The following SLC22A15 variants were observed in gnomAD, a reference collection of about 807,000 sequenced individuals.
The protein encoded by SLC22A15 is solute carrier family 22 member 15.
A neutral mutation model predicts 62.7 loss-of-function variants in SLC22A15; 45 were observed. The observed-to-expected ratio is 0.72, with a 90% CI of 0.56 to 0.92. The LOEUF (loss-of-function observed/expected upper bound fraction) is 0.92. SLC22A15 is among the 40% of genes least tolerant of loss of function. SLC22A15 has a pLI of 0.00. For synonymous variants in SLC22A15, 264 were observed against 267.0 expected, an observed-to-expected ratio of 0.99 and a Z score of 0.11; for missense variants, 622 against 665.6, an observed-to-expected ratio of 0.93 and a Z score of 0.72.
intron 8 of SLC22A15, among the ~76,000 whole-genome samples, chr1:116,042,242 A>C (rs1657808101): frequency 6.6e-6 from 1 of 151,864 alleles, no homozygotes; most frequent in Non-Finnish European, 1.5e-5. Context: ...AGAGACAAGA[A>C]TATTAAAACA....
At chr1:116,010,832 G>C (rs1305190463) in intron 2 of SLC22A15, among the ~76,000 whole-genome samples, 1 of 152,172 alleles carries the variant, frequency 6.6e-6, no homozygotes, top group East Asian at 1.9e-4. Context: ...TGACAAGCTA[G>C]GAGTCTGGGT....
At chr1:116,003,723 T>A (rs1037323548) in intron 2 of SLC22A15, among the ~76,000 whole-genome samples, 7 of 152,182 alleles carry the variant, frequency 4.6e-5, no homozygotes, top group African/African-American at 1.7e-4. Flanking sequence ...TGTCAGCAAT[T>A]CAAGACTGTC....
Position 116,064,519 on chromosome 1 carries a change from A to G in SLC22A15, c.1365+11A>G. The G allele has an allele frequency of 6.3e-7, 1 of 1,595,136 alleles. No homozygotes were observed. The highest frequency in any genetic ancestry group is 8.6e-7 in the Non-Finnish European group (1 of 1,163,136). ...TTCATCCCCTCACTGGTTGGTTTGT[A>G]CCTTCTAGTTTTGTTTTTCTTGATT... is the stretch of plus-strand genomic sequence containing the variant. On this transcript the variant is annotated intron_variant, in intron 10 of 11. Transcript: ENST00000369503.
At chr1:116,035,013 G>T (rs1041119383) in intron 6 of SLC22A15, among the ~76,000 whole-genome samples, 174 bp from the exon 7 acceptor site, 1 of 152,042 alleles carries the variant, frequency 6.6e-6, no homozygotes, top group African/African-American at 2.4e-5. Flanking sequence ...TTTTTTCCTA[G>T]TGTTGAAATT....
intron 2 of SLC22A15, among the ~76,000 whole-genome samples, chr1:116,001,081 G>C (rs1024446563): frequency 6.6e-6 from 1 of 152,026 alleles, no homozygotes; most frequent in Non-Finnish European, 1.5e-5. Context: ...TATGTTTCAA[G>C]GATACTTTTA....
rs115609128 is a variant in SLC22A15 at position 115,987,477 on chromosome 1, G to A, written c.88-4554G>A. On this transcript the variant is annotated intron_variant, in intron 1 of 11. Coordinates refer to ENST00000369503, the MANE Select transcript of SLC22A15 (RefSeq NM_018420.3). Reference sequence around the variant, plus strand: ...AGCCAATGTAGATAGATTAAAATGAGGAAGAAACAGTATTTAGAGGCACCA... The same window carrying A: ...AGCCAATGTAGATAGATTAAAATGAAGAAGAAACAGTATTTAGAGGCACCA... 5.3e-3 allele frequency among the ~76,000 whole-genome samples: 805 copies of A among 152,156 alleles called. 2 individuals are homozygous for A. Among genetic ancestry groups the A allele is most frequent in the African/African-American group, 0.019 (780 of 41,514 alleles).
chr1:116,019,548 C>G, intron 2 of SLC22A15, 34 bp from the exon 3 acceptor site: 1 of 1,567,170 alleles, frequency 6.4e-7, no homozygotes, highest in South Asian at 1.2e-5. Context: ...TAACTGAATC[C>G]TACATGTCTC....
chr1:115,994,667 G>GT (rs1310765438), intron 2 of SLC22A15, among the ~76,000 whole-genome samples: 1 of 152,024 alleles, frequency 6.6e-6, no homozygotes, highest in Non-Finnish European at 1.5e-5. Context: ...TTGTCTCTCT[G>GT]TTTTTTCCTA....
At chr1:116,028,890 G>T (rs983829933) in intron 5 of SLC22A15, among the ~76,000 whole-genome samples, 1 of 152,028 alleles carries the variant, frequency 6.6e-6, no homozygotes, top group Admixed American at 6.6e-5. Context: ...CTCAAATGCC[G>T]TCCACCCCAT....
chr1:116,052,301 C>T (rs1329514490), intron 8 of SLC22A15, among the ~76,000 whole-genome samples: 4 of 152,218 alleles, frequency 2.6e-5, no homozygotes, highest in Non-Finnish European at 4.4e-5. Context: ...ATTGCTAGCA[C>T]AGCAGTCTGA....
chr1:116,054,348 G>C (rs1658142581), intron 8 of SLC22A15, among the ~76,000 whole-genome samples: 1 of 151,700 alleles, frequency 6.6e-6, no homozygotes, highest in African/African-American at 2.4e-5. Flanking sequence ...TCAACAAGAA[G>C]AGCTAACTAT....
rs1658523995 is a variant in SLC22A15, at chr1:116,067,338, A to C, written c.*230A>C. The C allele has an allele frequency of 6.2e-6, 3 of 486,246 alleles. No homozygotes were observed. The highest frequency in any genetic ancestry group is 6.9e-5 in the Admixed American group (2 of 29,104). 30.1% of individuals were successfully genotyped at this position (486,246 alleles called of 1,614,324 possible). ...TAGTTGTTAATTTGTTTAGAATTTA[A>C]GTTCTACTCAGAATCATAACATCTG... On this transcript the variant is annotated 3_prime_UTR_variant, in exon 12 of 12. Coordinates refer to ENST00000369503, the MANE Select transcript of SLC22A15 (RefSeq NM_018420.3).
At chr1:116,015,677 A>G (rs1402798163) in intron 2 of SLC22A15, among the ~76,000 whole-genome samples, 1 of 152,184 alleles carries the variant, frequency 6.6e-6, no homozygotes, top group Non-Finnish European at 1.5e-5. Flanking sequence ...GACTAGCAAA[A>G]CTTGAGGTGC....
At position 115,992,136 on chromosome 1, in the gene SLC22A15, T is replaced by C; in HGVS notation, c.193T>C (p.Ser65Pro). 6.2e-7 allele frequency: 1 copy of C among 1,613,782 alleles called. No homozygotes were observed. Among genetic ancestry groups the C allele is most frequent in the Non-Finnish European group, 8.5e-7 (1 of 1,179,806 alleles). Reference sequence around the variant, plus strand: ...GCCAAATCAGAGCCACGGTAACCAGTCAGCTGGTGAAGACCAGGCCTTTGG... The same window carrying C: ...GCCAAATCAGAGCCACGGTAACCAGCCAGCTGGTGAAGACCAGGCCTTTGG... ...LLPNQSHGNQ[S>P]AGEDQAFGDW... The change falls in exon 2 of 12, where the codon TCA becomes CCA. Residue 65 changes from serine (S) to proline (P), a missense_variant. Transcript: ENST00000369503.
intron 2 of SLC22A15, among the ~76,000 whole-genome samples, chr1:116,004,467 A>G (rs1249516426): frequency 6.6e-6 from 1 of 151,968 alleles, no homozygotes; most frequent in Non-Finnish European, 1.5e-5. Flanking sequence ...TGACTGTGTA[A>G]TTTTTCTTCT....
chr1:116,059,458 A>G (rs1222810041), intron 8 of SLC22A15, among the ~76,000 whole-genome samples: 2 of 152,208 alleles, frequency 1.3e-5, no homozygotes, highest in East Asian at 3.8e-4. Context: ...GTGGTATATC[A>G]ATATAATGGA....
At chr1:116,038,865 C>T (rs1446337505) in intron 8 of SLC22A15, among the ~76,000 whole-genome samples, 1 of 152,136 alleles carries the variant, frequency 6.6e-6, no homozygotes, top group Non-Finnish European at 1.5e-5. Context: ...TATATACACA[C>T]GTGTAACCTA....
chr1:116,052,812 T>C (rs1458656394), intron 8 of SLC22A15, among the ~76,000 whole-genome samples: 2 of 152,174 alleles, frequency 1.3e-5, no homozygotes, highest in Admixed American at 1.3e-4. Flanking sequence ...GGAGTGGACC[T>C]CTAGCAAACT....
At chr1:116,047,533 C>A (rs1657956805) in intron 8 of SLC22A15, among the ~76,000 whole-genome samples, 1 of 152,152 alleles carries the variant, frequency 6.6e-6, no homozygotes. Context: ...GCTGAGAGAC[C>A]CATAGACAGT....
Sources: allele counts gnomAD v4.1 joint callset (sites outside exome capture counted in the v4.1 genomes callset), GRCh38; gene constraint gnomAD v4.1.1; transcripts MANE v1.5; gene names NCBI Gene and HGNC (gene_info 2026-07-23, HGNC 2026-07-21).